The following STPG2 variants were observed in gnomAD, a reference collection of about 807,000 sequenced individuals.
STPG2 encodes sperm tail PG-rich repeat containing 2, also known as sperm-tail PG-rich repeat-containing protein 2.
Under a neutral mutation model 54.2 loss-of-function variants are expected in STPG2, and 56 were observed. The ratio of observed to expected loss-of-function variants is 1.03; its 90% CI spans 0.83 to 1.29. The LOEUF (loss-of-function observed/expected upper bound fraction) is 1.29, where lower values mean the gene tolerates loss of function less well. STPG2 is among the 50% of genes most tolerant of loss of function. The probability of loss-of-function intolerance (pLI) is 0.00; values close to 1 mark genes in which losing one functional copy is unlikely to be tolerated. For missense variants in STPG2, 596 were observed against 544.9 expected (o/e 1.09, Z -0.93); for synonymous variants, 200 against 181.8 (o/e 1.10, Z -0.81).
chr4:98,059,641 CAAA>C (rs33990276), intron 5 of STPG2, among the ~76,000 whole-genome samples: 125 of 137,258 alleles, frequency 9.1e-4, no homozygotes, highest in East Asian at 3.1e-3. Flanking sequence ...AATATCAATG[CAAA>C]AAAAAAAAAA....
chr4:97,908,267 C>T (rs1490021239), intron 8 of STPG2, among the ~76,000 whole-genome samples: 2 of 152,068 alleles, frequency 1.3e-5, no homozygotes, highest in Non-Finnish European at 1.5e-5. Flanking sequence ...TGAAAAAATG[C>T]TCACCATCAC....
intron 9 of STPG2, among the ~76,000 whole-genome samples, chr4:97,819,848 T>C (rs752095247): frequency 1.8e-4 from 27 of 152,276 alleles, no homozygotes; most frequent in Non-Finnish European, 3.4e-4. Context: ...ATGAAAAAAT[T>C]GAAAAACCAA....
At chr4:97,597,245 G>A (rs535069170) in intron 10 of STPG2, among the ~76,000 whole-genome samples, 1 of 151,940 alleles carries the variant, frequency 6.6e-6, no homozygotes, top group Non-Finnish European at 1.5e-5. Context: ...ATAATGAGTT[G>A]CAAAATTGAA....
intron 7 of STPG2, among the ~76,000 whole-genome samples, chr4:97,946,036 G>A (rs1243273748): frequency 6.6e-6 from 1 of 152,040 alleles, no homozygotes; most frequent in Non-Finnish European, 1.5e-5. Flanking sequence ...TCCAGCCTGG[G>A]TAAGGCAGTG....
intron 9 of STPG2, among the ~76,000 whole-genome samples, chr4:97,775,321 T>C (rs1362708900): frequency 9.9e-5 from 15 of 152,154 alleles, no homozygotes; most frequent in Admixed American, 9.8e-4. Context: ...TTGTTACATA[T>C]GTATACATGT....
intron 7 of STPG2, among the ~76,000 whole-genome samples, chr4:97,955,368 C>A (rs1733637818): frequency 6.6e-6 from 1 of 151,990 alleles, no homozygotes; most frequent in South Asian, 2.1e-4. Flanking sequence ...GTGTCTGCCA[C>A]CATGCCTGGC....
At chr4:97,509,892 G>C (rs114683114) in intron 4 of STPG2, among the ~76,000 whole-genome samples, 58 of 152,034 alleles carry the variant, frequency 3.8e-4, no homozygotes, top group African/African-American at 1.3e-3. Context: ...CCTTATCAAT[G>C]ACTTTACATA....
At chr4:98,030,594 G>A (rs1186914963) in intron 5 of STPG2, among the ~76,000 whole-genome samples, 3 of 152,052 alleles carry the variant, frequency 2.0e-5, no homozygotes, top group South Asian at 2.1e-4. Flanking sequence ...TAAGCAAAAA[G>A]AAAAAAGCTA....
chr4:98,023,886 C>T lies in STPG2; in HGVS notation c.613-42568G>A, dbSNP rs536481256. Among the ~76,000 whole-genome samples the T allele has an allele frequency of 9.9e-5, 15 of 151,996 alleles. 1 individual carries two copies. The highest frequency in any genetic ancestry group is 3.4e-3 in the Middle Eastern group (1 of 294). The stretch of plus-strand genomic sequence containing the variant: ...CCGTTTTTTAAGCCCGTTGGAAAAG[C>T]GCAGTATTAGGGTGGGAGTGACCAG... On this transcript the variant is annotated intron_variant, in intron 5 of 10. Transcript: ENST00000295268.
At chr4:97,602,715 C>G (rs1450671332) in intron 10 of STPG2, among the ~76,000 whole-genome samples, 2 of 151,634 alleles carry the variant, frequency 1.3e-5, no homozygotes, top group East Asian at 3.9e-4. Context: ...CTTATTTCTT[C>G]TAACATATTA....
chr4:97,831,078 C>T (rs1354143903), intron 9 of STPG2, among the ~76,000 whole-genome samples: 1 of 152,156 alleles, frequency 6.6e-6, no homozygotes, highest in Non-Finnish European at 1.5e-5. Context: ...ACATTCTTCT[C>T]AGCACCTCAT....
chr4:98,096,577 C>T (rs906115700), intron 5 of STPG2, among the ~76,000 whole-genome samples: 1 of 151,668 alleles, frequency 6.6e-6, no homozygotes, highest in African/African-American at 2.4e-5. Flanking sequence ...ATGGCAAGAG[C>T]AAACCAAACC....
At chr4:97,857,193 C>T (rs974729571) in intron 8 of STPG2, among the ~76,000 whole-genome samples, 1 of 152,112 alleles carries the variant, frequency 6.6e-6, no homozygotes, top group Admixed American at 6.6e-5. Flanking sequence ...AGACAGGAGT[C>T]TCTTCTTTTC....
At chr4:98,026,157 T>G (rs1380872505) in intron 5 of STPG2, 1 of 1,461,230 alleles carries the variant, frequency 6.8e-7, no homozygotes, top group African/African-American at 1.4e-5. Context: ...AAGAAAGAAG[T>G]TAAAAAGAGG....
intron 8 of STPG2, among the ~76,000 whole-genome samples, chr4:97,866,739 G>A (rs934559958): frequency 3.3e-5 from 5 of 151,714 alleles, no homozygotes; most frequent in Admixed American, 2.0e-4. Flanking sequence ...TGTATTTCCT[G>A]GAAACTTTCA....
At chr4:97,561,596 C>T (rs1717733732) in intron 10 of STPG2, among the ~76,000 whole-genome samples, 1 of 152,164 alleles carries the variant, frequency 6.6e-6, no homozygotes, top group African/African-American at 2.4e-5. Flanking sequence ...ACATTTAAGT[C>T]TTTAATCCAT....
intron 5 of STPG2, among the ~76,000 whole-genome samples, chr4:98,055,563 C>T (rs532608764): frequency 6.6e-6 from 1 of 152,138 alleles, no homozygotes; most frequent in African/African-American, 2.4e-5. Flanking sequence ...CAGGAAGGGA[C>T]CCTTCAACTA....
chr4:98,063,598 G>T (rs1737731826), intron 5 of STPG2, among the ~76,000 whole-genome samples: 1 of 151,968 alleles, frequency 6.6e-6, no homozygotes, highest in African/African-American at 2.4e-5. Flanking sequence ...AAGCATTCAA[G>T]TTAAGATGTT....
At chr4:97,678,625 T>C (rs1722929773) in intron 10 of STPG2, among the ~76,000 whole-genome samples, 1 of 152,026 alleles carries the variant, frequency 6.6e-6, no homozygotes, top group Non-Finnish European at 1.5e-5. Context: ...TTCTTTTATT[T>C]TATTTTATTA....
Sources: gnomAD v4.1 joint callset for allele counts (sites outside exome capture counted in the v4.1 genomes callset) on GRCh38, gnomAD v4.1.1 for gene constraint, MANE v1.5 for transcripts, NCBI Gene and HGNC (gene_info 2026-07-23, HGNC 2026-07-21) for gene names.